Variants in AHCYL2 observed in about 807,000 individuals in gnomAD.
The protein encoded by AHCYL2 is S-adenosylhomocysteine hydrolase-like protein 2.
In AHCYL2, 28 loss-of-function variants were observed where a neutral mutation model predicts 81.4. The ratio of observed to expected loss-of-function variants is 0.34; its 90% confidence interval spans 0.25 to 0.47. The LOEUF (loss-of-function observed/expected upper bound fraction) is 0.47. Ranked by LOEUF, AHCYL2 falls within the 20% of genes least tolerant of loss-of-function variation. The pLI is 1.00. For missense variants in AHCYL2, 551 were observed against 785.1 expected, an observed-to-expected ratio of 0.70 and a Z score of 3.56; for synonymous variants, 272 against 290.2, an observed-to-expected ratio of 0.94 and a Z score of 0.64.
chr7:129,301,926 A>T (rs531353782), intron 1 of AHCYL2, among the ~76,000 whole-genome samples: 1 of 151,880 alleles, frequency 6.6e-6, no homozygotes, highest in South Asian at 2.1e-4. Flanking sequence ...GAATCTATAG[A>T]TTCAGTGCAA....
At chr7:129,425,901 T>C (rs1416956103) in intron 15 of AHCYL2, among the ~76,000 whole-genome samples, 1 of 152,190 alleles carries the variant, frequency 6.6e-6, no homozygotes, top group Non-Finnish European at 1.5e-5. Flanking sequence ...AACAAATACA[T>C]AGGAAATGAC....
chr7:129,267,651 G>A (rs1007539374), intron 1 of AHCYL2, among the ~76,000 whole-genome samples: 3 of 152,140 alleles, frequency 2.0e-5, no homozygotes, highest in Non-Finnish European at 4.4e-5. Context: ...TATATTGAAG[G>A]TGGAGGTGAG....
In AHCYL2 at chr7:129,291,284, C is replaced by G. The variant is rs1321597243; in HGVS notation, c.363+65845C>G. ...TACCCACAATATGTGAGGCACCGCTCTGAACATTTTTGCATGGATTATACA... is the reference window on the plus strand; with the variant it reads ...TACCCACAATATGTGAGGCACCGCTGTGAACATTTTTGCATGGATTATACA... On this transcript the variant is annotated intron_variant, in intron 1 of 16. Coordinates refer to ENST00000325006, the MANE Select transcript of AHCYL2 (RefSeq NM_015328.4). Among the ~76,000 whole-genome samples the G allele has an allele frequency of 2.6e-5, 4 of 152,272 alleles. No individual in the cohort carries two copies. In the East Asian group the frequency reaches 5.8e-4, roughly 22 times the overall value.
chr7:129,347,636 GT>G (rs1188657279), intron 1 of AHCYL2, among the ~76,000 whole-genome samples: 2 of 151,742 alleles, frequency 1.3e-5, no homozygotes, highest in East Asian at 3.9e-4. Context: ...TCTGTTTTTT[GT>G]TTTTTTGGTT....
At chr7:129,245,699 G>T (rs1239397806) in intron 1 of AHCYL2, among the ~76,000 whole-genome samples, 1 of 152,094 alleles carries the variant, frequency 6.6e-6, no homozygotes, top group African/African-American at 2.4e-5. Context: ...ATTTTTCAGG[G>T]TGAATAATAT....
At chr7:129,240,990 G>T (rs1473236) in intron 1 of AHCYL2, among the ~76,000 whole-genome samples, 37,602 of 152,070 alleles carry the variant, frequency 0.25, 4,782 homozygotes, top group East Asian at 0.42. Context: ...TAAATTAAAT[G>T]ATTTTTAAGC....
chr7:129,350,495 C>T (rs1490734275), intron 1 of AHCYL2, among the ~76,000 whole-genome samples: 1 of 150,442 alleles, frequency 6.6e-6, no homozygotes, highest in East Asian at 2.0e-4. Context: ...GGGATTCTTT[C>T]ACCTCAGCCT....
chr7:129,336,830 G>A (rs150119636), intron 1 of AHCYL2, among the ~76,000 whole-genome samples: 5 of 152,052 alleles, frequency 3.3e-5, no homozygotes, highest in East Asian at 1.9e-4. Flanking sequence ...CACTGTAGCC[G>A]CAATCCCCTG....
At chr7:129,413,351 CA>C (rs1187509531) in intron 11 of AHCYL2, among the ~76,000 whole-genome samples, 1 of 151,936 alleles carries the variant, frequency 6.6e-6, no homozygotes, top group East Asian at 1.9e-4. Flanking sequence ...CCGTGTTAGC[CA>C]GGATGGTTTC....
In AHCYL2 at chr7:129,429,069, T is replaced by A. The variant is rs868800356; in HGVS notation, c.*2024T>A. 1 of 152,384 alleles carries A rather than the reference T, an allele frequency of 6.6e-6. No homozygotes were observed. Among genetic ancestry groups the A allele is most frequent in the Middle Eastern group, 3.4e-3 (1 of 294 alleles). The allele number at this position is 152,384 out of a possible 1,614,324, so 9.4% of individuals were successfully genotyped here. On this transcript the variant is annotated 3_prime_UTR_variant, in exon 17 of 17. Coordinates refer to ENST00000325006, the MANE Select transcript of AHCYL2 (RefSeq NM_015328.4). ...AGACCAAAAATCATAACCTGCTGTT[T>A]CTCAGCAAAGCCTTGCTCTCTGGAG...
intron 1 of AHCYL2, among the ~76,000 whole-genome samples, chr7:129,353,363 G>A (rs777147846): frequency 2.0e-5 from 3 of 151,810 alleles, no homozygotes; most frequent in Non-Finnish European, 2.9e-5. Flanking sequence ...CTTACATCAG[G>A]GGTTTTGCAA....
chr7:129,394,658 TGGTC>T (rs1480527479), intron 4 of AHCYL2, among the ~76,000 whole-genome samples: 1 of 152,096 alleles, frequency 6.6e-6, no homozygotes, highest in East Asian at 1.9e-4. Context: ...TTGGTCAGGC[TGGTC>T]TCAAACTCCC....
At chr7:129,398,062 G>A (rs1257537265) in intron 5 of AHCYL2, among the ~76,000 whole-genome samples, 1 of 152,176 alleles carries the variant, frequency 6.6e-6, no homozygotes, top group Non-Finnish European at 1.5e-5. Context: ...AGGCTGGGGT[G>A]CAGTAGTGCA....
intron 1 of AHCYL2, among the ~76,000 whole-genome samples, chr7:129,273,569 C>T (rs1342484605): frequency 6.6e-6 from 1 of 151,796 alleles, no homozygotes. Context: ...CTCAGGTGAT[C>T]CGCCCACCTC....
intron 1 of AHCYL2, among the ~76,000 whole-genome samples, chr7:129,228,127 T>G (rs1027450594): frequency 2.6e-5 from 4 of 152,208 alleles, no homozygotes; most frequent in Non-Finnish European, 4.4e-5. Context: ...TCTTATAGCA[T>G]ATGAAGGAAC....
intron 1 of AHCYL2, among the ~76,000 whole-genome samples, chr7:129,243,517 T>A (rs534828478): frequency 1.3e-5 from 2 of 152,328 alleles, no homozygotes; most frequent in South Asian, 2.1e-4. Flanking sequence ...ATATTTTCAA[T>A]ATAGTCTTCT....
At chr7:129,349,926 A>T (rs1029534894) in intron 1 of AHCYL2, among the ~76,000 whole-genome samples, 5 of 152,188 alleles carry the variant, frequency 3.3e-5, no homozygotes, top group African/African-American at 9.7e-5. Flanking sequence ...CTGTTACTTG[A>T]TTGAAGTCCA....
At chr7:129,414,227 A>C (rs1348583619) in intron 12 of AHCYL2, among the ~76,000 whole-genome samples, 1 of 152,258 alleles carries the variant, frequency 6.6e-6, no homozygotes, top group East Asian at 1.9e-4. Flanking sequence ...CATGTTTTCC[A>C]AACTGTAGTA....
At chr7:129,389,807 T>A in intron 4 of AHCYL2, 73 bp downstream of exon 4, 1 of 1,259,656 alleles carries the variant, frequency 7.9e-7, no homozygotes, top group Non-Finnish European at 1.1e-6. Flanking sequence ...GCTTACAACA[T>A]GCCAAGCACC....
Sources: gnomAD v4.1 joint callset for allele counts (sites outside exome capture counted in the v4.1 genomes callset) on GRCh38, gnomAD v4.1.1 for gene constraint, MANE v1.5 for transcripts, NCBI Gene and HGNC (gene_info 2026-07-23, HGNC 2026-07-21) for gene names.